Variants in DLG2 observed in about 807,000 individuals in gnomAD.
The protein encoded by DLG2 is disks large homolog 2.
A neutral mutation model predicts 132.5 loss-of-function variants in DLG2; 45 were observed. That is an observed-to-expected ratio of 0.34 (90% CI 0.27 to 0.44). DLG2 has a LOEUF of 0.44. DLG2 is among the 20% of genes least tolerant of loss of function. The pLI, the probability that DLG2 is intolerant of heterozygous loss-of-function variation, is 1.00. For synonymous variants in DLG2, 424 were observed against 419.6 expected (o/e 1.01, Z -0.13); for missense variants, 1,045 against 1,196.9 (o/e 0.87, Z 1.87).
chr11:83,753,070 C>T (rs1458474163), intron 18 of DLG2, among the ~76,000 whole-genome samples: 1 of 152,136 alleles, frequency 6.6e-6, no homozygotes, highest in Non-Finnish European at 1.5e-5. Context: ...AACTGAGACT[C>T]AGAAAGGGTA....
In DLG2 at chr11:84,679,224, TATA is replaced by T. The variant is rs1361836936; in HGVS notation, c.358-144496_358-144494del. ...TCTCAGGTGCTGATGCTGGAGAAAA[TATA>T]ATAATAGATATCTGCAGAATATAAT... On this transcript the variant is annotated intron_variant, in intron 6 of 27. Coordinates refer to ENST00000376104, the MANE Select transcript of DLG2 (RefSeq NM_001142699.3). Among the ~76,000 whole-genome samples, 13 of 151,958 alleles carry T rather than the reference TATA, an allele frequency of 8.6e-5. 1 individual carries two copies. The East Asian group carries it at 2.5e-3, about 29-fold the overall frequency.
intron 7 of DLG2, among the ~76,000 whole-genome samples, chr11:84,313,875 G>A (rs942956106): frequency 2.1e-4 from 32 of 152,000 alleles, no homozygotes; most frequent in African/African-American, 6.5e-4. Context: ...ATTTTGGAAC[G>A]CACTTTTGGG....
chr11:85,173,953 A>G (rs2079046902), intron 4 of DLG2, among the ~76,000 whole-genome samples: 1 of 152,220 alleles, frequency 6.6e-6, no homozygotes, highest in African/African-American at 2.4e-5. Context: ...CAAATATAGG[A>G]GCACCCAAAT....
At chr11:84,898,275 AT>A (rs2090451165) in intron 6 of DLG2, among the ~76,000 whole-genome samples, 1 of 151,930 alleles carries the variant, frequency 6.6e-6, no homozygotes, top group Non-Finnish European at 1.5e-5. Flanking sequence ...AAAAATAGTC[AT>A]TTTGCTTGAA....
intron 3 of DLG2, among the ~76,000 whole-genome samples, chr11:85,549,727 A>G (rs1046005696): frequency 1.3e-5 from 2 of 152,120 alleles, no homozygotes; most frequent in African/African-American, 4.8e-5. Flanking sequence ...GCTGATCAAA[A>G]CCCACCAAAA....
At chr11:83,702,749 T>A (rs2083186436) in intron 18 of DLG2, among the ~76,000 whole-genome samples, 1 of 152,186 alleles carries the variant, frequency 6.6e-6, no homozygotes, top group South Asian at 2.1e-4. Flanking sequence ...CTGAGCTTCA[T>A]GGACAAATAA....
At chr11:83,491,401 T>C (rs1017714598) in intron 21 of DLG2, among the ~76,000 whole-genome samples, 1 of 152,046 alleles carries the variant, frequency 6.6e-6, no homozygotes, top group Non-Finnish European at 1.5e-5. Flanking sequence ...AGTTCTTTGC[T>C]TAGGAAGAAA....
chr11:84,124,063 C>CA (rs1476992723), intron 9 of DLG2, among the ~76,000 whole-genome samples: 2 of 152,010 alleles, frequency 1.3e-5, no homozygotes, highest in Non-Finnish European at 2.9e-5. Context: ...TTCAAGAAAA[C>CA]AAAAACAAAA....
chr11:85,313,083 C>T (rs2080419580), intron 3 of DLG2, among the ~76,000 whole-genome samples: 1 of 151,820 alleles, frequency 6.6e-6, no homozygotes, highest in South Asian at 2.1e-4. Context: ...ACATCTAGAC[C>T]TGACCAATAA....
chr11:84,248,136 G>T (rs12360734), intron 8 of DLG2, among the ~76,000 whole-genome samples: 2 of 152,098 alleles, frequency 1.3e-5, no homozygotes, highest in Non-Finnish European at 2.9e-5. Flanking sequence ...AGGTTACCCC[G>T]TGAGTCAGGA....
chr11:83,941,684 A>C (rs1005755905), intron 14 of DLG2, among the ~76,000 whole-genome samples: 2 of 152,144 alleles, frequency 1.3e-5, no homozygotes, highest in African/African-American at 4.8e-5. Context: ...GTAAGCCACC[A>C]CACCCGGTCT....
chr11:85,043,573 A>T (rs1005028915), intron 6 of DLG2, among the ~76,000 whole-genome samples: 7 of 151,910 alleles, frequency 4.6e-5, no homozygotes, highest in African/African-American at 1.7e-4. Flanking sequence ...TGCAAAATGC[A>T]TTATTTAAAT....
intron 3 of DLG2, among the ~76,000 whole-genome samples, chr11:85,293,246 C>T (rs2079021771): frequency 6.6e-6 from 1 of 151,952 alleles, no homozygotes; most frequent in Admixed American, 6.6e-5. Context: ...CATTGTATAG[C>T]CTTATAGTAT....
Position 84,819,705 on chromosome 11 carries a change from G to A in DLG2, c.358-284974C>T, listed in dbSNP as rs188505418. Among the ~76,000 whole-genome samples the A allele has an allele frequency of 1.2e-4, 18 of 151,972 alleles. No homozygotes were observed. The East Asian group carries it at 2.3e-3, about 20-fold the overall frequency. On this transcript the variant is annotated intron_variant, in intron 6 of 27. Transcript: ENST00000376104. ...GGAAACCTCAGATAGCTGAGTTACC[G>A]CCTCACTGGGGATGTTAGAAACACT...
intron 7 of DLG2, among the ~76,000 whole-genome samples, chr11:84,443,522 T>C (rs909752047): frequency 1.3e-5 from 2 of 152,226 alleles, no homozygotes; most frequent in East Asian, 3.9e-4. Context: ...TTTAAATGAG[T>C]AGTATATATT....
At chr11:85,006,378 G>T (rs1566630017) in intron 6 of DLG2, among the ~76,000 whole-genome samples, 1 of 152,220 alleles carries the variant, frequency 6.6e-6, no homozygotes, top group East Asian at 1.9e-4. Context: ...TGGTTGGCAG[G>T]CTATTAATTA....
At chr11:83,816,145 G>T (rs1022850237) in intron 17 of DLG2, among the ~76,000 whole-genome samples, 37 of 152,086 alleles carry the variant, frequency 2.4e-4, no homozygotes, top group African/African-American at 8.9e-4. Flanking sequence ...AACTAGAGTG[G>T]AACATATAGC....
chr11:85,587,298 T>G (rs575366654), intron 3 of DLG2, among the ~76,000 whole-genome samples: 1 of 152,184 alleles, frequency 6.6e-6, no homozygotes, highest in Non-Finnish European at 1.5e-5. Context: ...CAGTGAAGCA[T>G]TGAAGTCCCC....
At chr11:85,290,216 G>C (rs1180323728) in intron 3 of DLG2, among the ~76,000 whole-genome samples, 2 of 152,060 alleles carry the variant, frequency 1.3e-5, no homozygotes, top group African/African-American at 2.4e-5. Context: ...TATGTGACTT[G>C]ACTCCTTGAT....
Sources: gnomAD v4.1 joint callset for allele counts (sites outside exome capture counted in the v4.1 genomes callset) on GRCh38, gnomAD v4.1.1 for gene constraint, MANE v1.5 for transcripts, NCBI Gene and HGNC (gene_info 2026-07-23, HGNC 2026-07-21) for gene names.